The following KCNQ1OT1 variants were observed in gnomAD, a reference collection of about 807,000 sequenced individuals.
KCNQ1OT1 encodes KCNQ1 antisense RNA 2 (non-protein coding).
chr11:2,681,334 C>T (rs942674980), exon 1 of KCNQ1OT1: 8 of 398,296 alleles, frequency 2.0e-5, no homozygotes, highest in Admixed American at 1.3e-4. Context: ...CAACTGTGAC[C>T]GTCTTTTCCT....
chr11:2,684,695 C>T (rs1850454515), exon 1 of KCNQ1OT1: 2 of 398,512 alleles, frequency 5.0e-6, no homozygotes, highest in Non-Finnish European at 8.8e-6. Context: ...CAACTGAGCA[C>T]TTGCTCAGGC....
chr11:2,699,941 T>G (rs1850765841), exon 1 of KCNQ1OT1: 4 of 398,112 alleles, frequency 1.0e-5, no homozygotes, highest in South Asian at 2.6e-4. Context: ...CCTGGCAGGA[T>G]CTTGCTGAGG....
exon 1 of KCNQ1OT1, chr11:2,643,438 T>C (rs1229544279): frequency 2.5e-6 from 1 of 398,334 alleles, no homozygotes; most frequent in African/African-American, 2.1e-5. Context: ...TGTTTTTAGC[T>C]TAACCTTTGT....
At chr11:2,649,718 T>C (rs1849728702) in exon 1 of KCNQ1OT1, 2 of 398,468 alleles carry the variant, frequency 5.0e-6, no homozygotes, top group East Asian at 3.6e-5. Flanking sequence ...TTCTCTCTTG[T>C]TTTTTAAATT....
exon 1 of KCNQ1OT1, chr11:2,633,890 G>C: frequency 2.5e-6 from 1 of 398,606 alleles, no homozygotes; most frequent in Admixed American, 4.4e-5. Context: ...TGTATACATA[G>C]TTTTCACTTT....
exon 1 of KCNQ1OT1, chr11:2,665,516 C>T (rs755964468): frequency 2.5e-6 from 1 of 394,202 alleles, no homozygotes; most frequent in Non-Finnish European, 4.4e-6. Context: ...CGTGTGGTAA[C>T]CTGCCATCTA....
In KCNQ1OT1 at chr11:2,658,660, G is replaced by A. The variant is rs1395085613; in HGVS notation, n.41335C>T. ...TGGCTACTAGGGTATCATTGCTTCA[G>A]TCTCCTCTCAGTGGACAGAGCTAGG... On this transcript the variant is annotated non_coding_transcript_exon_variant, in exon 1 of 1. Coordinates refer to ENST00000597346, the Ensembl canonical transcript of KCNQ1OT1. This position sits in a 1 kb window ranked among gnomAD's most constrained non-coding sequence, Gnocchi z 4.9. 5.0e-6 allele frequency: 2 copies of A among 398,338 alleles called. No individual in the cohort carries two copies. Among genetic ancestry groups the A allele is most frequent in the African/African-American group, 4.1e-5 (2 of 48,562 alleles). The allele number at this position is 398,338 out of a possible 1,614,324, so 24.7% of individuals were successfully genotyped here.
rs897543229 is a variant in KCNQ1OT1 at position 2,658,143 on chromosome 11, C to T, written n.41852G>A. 2.5e-6 allele frequency: 1 copy of T among 398,474 alleles called. No homozygotes were observed. 24.7% of individuals were successfully genotyped at this position (398,474 alleles called of 1,614,324 possible). On this transcript the variant is annotated non_coding_transcript_exon_variant, in exon 1 of 1. Coordinates refer to ENST00000597346, the Ensembl canonical transcript of KCNQ1OT1. The surrounding 1 kb of genome is among the most constrained non-coding windows in gnomAD (Gnocchi z 4.9). Reference sequence around the variant, plus strand: ...ATCTGCAAATATGTTAAAACTACCACAGCAATTAAAATACATTTCAAGGAA... The same window carrying T: ...ATCTGCAAATATGTTAAAACTACCATAGCAATTAAAATACATTTCAAGGAA...
exon 1 of KCNQ1OT1, chr11:2,633,183 A>G (rs1849391484): frequency 2.5e-6 from 1 of 398,464 alleles, no homozygotes; most frequent in Non-Finnish European, 4.4e-6. Flanking sequence ...GCATTTTTTC[A>G]CATACCTGTT....
chr11:2,688,125 C>A, exon 1 of KCNQ1OT1: 1 of 398,876 alleles, frequency 2.5e-6, no homozygotes, highest in Non-Finnish European at 4.4e-6. Flanking sequence ...GGTGGGGATA[C>A]AGGCTGAGGT....
In KCNQ1OT1 at chr11:2,623,670, T is replaced by TGTCCGAG; in HGVS notation, n.76324_76325insCTCGGAC. The TGTCCGAG allele has an allele frequency of 2.5e-6, 1 of 398,594 alleles. No individual in the cohort carries two copies. The highest frequency in any genetic ancestry group is 4.4e-6 in the Non-Finnish European group (1 of 226,034). 24.7% of individuals were successfully genotyped at this position (398,594 alleles called of 1,614,324 possible). ...ACTACAGTTTATCTGTCTACTCACCTATGGAAGGACATCTCGGTTGCTTCC... is the reference window on the plus strand; with the variant it reads ...ACTACAGTTTATCTGTCTACTCACCTGTCCGAGATGGAAGGACATCTCGGTTGCTTCC... On this transcript the variant is annotated non_coding_transcript_exon_variant, in exon 1 of 1. Coordinates refer to ENST00000597346, the Ensembl canonical transcript of KCNQ1OT1. The surrounding 1 kb of genome is among the most constrained non-coding windows in gnomAD (Gnocchi z 5.2).
In KCNQ1OT1 at chr11:2,611,841, A is replaced by G. The variant is rs370251825; in HGVS notation, n.88154T>C. ...TTGAATAGATATGTTCTAGAGTACC[A>G]TTCTAATTCCTTTGTTAGTTTATTT... is the stretch of plus-strand genomic sequence containing the variant. On this transcript the variant is annotated non_coding_transcript_exon_variant, in exon 1 of 1. Transcript: ENST00000597346. This position sits in a 1 kb window ranked among gnomAD's most constrained non-coding sequence, Gnocchi z 5.3. The G allele has an allele frequency of 2.5e-6, 1 of 398,262 alleles. No individual in the cohort carries two copies. The highest frequency in any genetic ancestry group is 2.1e-5 in the African/African-American group (1 of 48,594). The allele number at this position is 398,262 out of a possible 1,614,324, so 24.7% of individuals were successfully genotyped here.
Position 2,698,412 on chromosome 11 carries a change from G to A in KCNQ1OT1, n.1583C>T, listed in dbSNP as rs1850714320. 4 of 395,150 alleles carry A rather than the reference G, an allele frequency of 1.0e-5. No homozygotes were observed. The South Asian group carries it at 4.0e-4, about 39-fold the overall frequency. The allele number at this position is 395,150 out of a possible 1,614,324, so 24.5% of individuals were successfully genotyped here. On this transcript the variant is annotated non_coding_transcript_exon_variant, in exon 1 of 1. Transcript: ENST00000597346. This position sits in a 1 kb window ranked among gnomAD's most constrained non-coding sequence, Gnocchi z 5.1. ...TGGGGTACTGGGATCTGAACATAGT[G>A]GTGGCCCTTCAAGCCTACTACCCAG... is the stretch of plus-strand genomic sequence containing the variant.
Position 2,626,190 on chromosome 11 carries a change from T to G in KCNQ1OT1, n.73805A>C, listed in dbSNP as rs758835014. On this transcript the variant is annotated non_coding_transcript_exon_variant, in exon 1 of 1. Coordinates refer to ENST00000597346, the Ensembl canonical transcript of KCNQ1OT1. The surrounding 1 kb of genome is among the most constrained non-coding windows in gnomAD (Gnocchi z 4.0). ...TGTTTCCTTATAAGACTTCATAGTT[T>G]TAGGACTTTGACCCATTTTGAGTAA... 7 of 398,506 alleles carry G rather than the reference T, an allele frequency of 1.8e-5. No individual in the cohort carries two copies. Among genetic ancestry groups the G allele is most frequent in the Non-Finnish European group, 3.1e-5 (7 of 226,080 alleles). 24.7% of individuals were successfully genotyped at this position (398,506 alleles called of 1,614,324 possible). A position where few individuals can be genotyped will look rare whatever the true frequency, so the allele number is the denominator to read the frequency against.
chr11:2,642,702 T>G lies in KCNQ1OT1; in HGVS notation n.57293A>C. 1 of 397,944 alleles carries G rather than the reference T, an allele frequency of 2.5e-6. No homozygotes were observed. Among genetic ancestry groups the G allele is most frequent in the Non-Finnish European group, 4.4e-6 (1 of 225,698 alleles). 24.7% of individuals were successfully genotyped at this position (397,944 alleles called of 1,614,324 possible). A position where few individuals can be genotyped will look rare whatever the true frequency, so the allele number is the denominator to read the frequency against. ...CGTTATTTCTTTCCTTCTACTAATT[T>G]TATGTTTAGTATGGTTTGTTCTTGC... On this transcript the variant is annotated non_coding_transcript_exon_variant, in exon 1 of 1. Coordinates refer to ENST00000597346, the Ensembl canonical transcript of KCNQ1OT1. This position sits in a 1 kb window ranked among gnomAD's most constrained non-coding sequence, Gnocchi z 4.3.
At chr11:2,644,298 G>A (rs1233583762) in exon 1 of KCNQ1OT1, 2 of 398,126 alleles carry the variant, frequency 5.0e-6, no homozygotes, top group Non-Finnish European at 4.4e-6. Context: ...ATTTTTGTCT[G>A]AGTCATTTCA....
chr11:2,645,623 C>G lies in KCNQ1OT1; in HGVS notation n.54372G>C, dbSNP rs959159404. 4 of 398,586 alleles carry G rather than the reference C, an allele frequency of 1.0e-5. No homozygotes were observed. The highest frequency in any genetic ancestry group is 8.2e-5 in the African/African-American group (4 of 48,624). The allele number at this position is 398,586 out of a possible 1,614,324, so 24.7% of individuals were successfully genotyped here. ...CCCAGGTGGTGACTATGGGCAGGGT[C>G]ACCTTTCCTCATGGCAGCCTTGCTT... On this transcript the variant is annotated non_coding_transcript_exon_variant, in exon 1 of 1. Coordinates refer to ENST00000597346, the Ensembl canonical transcript of KCNQ1OT1. The surrounding 1 kb of genome is among the most constrained non-coding windows in gnomAD (Gnocchi z 5.8).
At chr11:2,656,216 A>G in exon 1 of KCNQ1OT1, 1 of 398,620 alleles carries the variant, frequency 2.5e-6, no homozygotes, top group East Asian at 3.6e-5. Flanking sequence ...TCCTGGATGA[A>G]GTTTTAGCTC....
chr11:2,637,070 C>G (rs1396601496), exon 1 of KCNQ1OT1: 2 of 151,476 alleles, frequency 1.3e-5, no homozygotes, highest in Non-Finnish European at 3.0e-5. Flanking sequence ...TTTGATTCTT[C>G]TCTCTTCTTT....
Sources: gnomAD v4.1 joint callset for allele counts on GRCh38, gnomAD v4.1.1 for gene constraint, Gnocchi (gnomAD v3.1) non-coding constraint, MANE v1.5 for transcripts, NCBI Gene and HGNC (gene_info 2026-07-23, HGNC 2026-07-21) for gene names.